NOS1AP: variants seen among roughly 807,000 people sequenced by gnomAD.
NOS1AP encodes the protein nitric oxide synthase 1 adaptor protein, also known as carboxyl-terminal PDZ ligand of neuronal nitric oxide synthase protein.
NOS1AP carries 21 observed loss-of-function variants against 56.2 expected under a neutral mutation model. The ratio of observed to expected loss-of-function variants is 0.37; its 90% CI spans 0.26 to 0.54. NOS1AP has a LOEUF of 0.54. Among genes scored for constraint, NOS1AP ranks in the 20% least tolerant of loss-of-function variants. NOS1AP has a pLI of 0.84. For synonymous variants in NOS1AP, 270 were observed against 274.6 expected, an observed-to-expected ratio of 0.98 and a Z score of 0.17; for missense variants, 522 against 657.8, an observed-to-expected ratio of 0.79 and a Z score of 2.26.
chr1:162,073,033 T>G (rs935133322), intron 1 of NOS1AP, among the ~76,000 whole-genome samples: 3 of 152,294 alleles, frequency 2.0e-5, no homozygotes, highest in Admixed American at 1.3e-4. Context: ...ATTTTCAGGG[T>G]TCTGCAGAGA....
chr1:162,294,224 G>GAAGAAAGA (rs879481382), intron 3 of NOS1AP, among the ~76,000 whole-genome samples: 22 of 149,854 alleles, frequency 1.5e-4, no homozygotes, highest in African/African-American at 5.5e-4. Context: ...AGGAAGGAAG[G>GAAGAAAGA]AAGAAAGAAA....
intron 2 of NOS1AP, among the ~76,000 whole-genome samples, chr1:162,268,120 A>G (rs1163357078): frequency 6.6e-6 from 1 of 152,054 alleles, no homozygotes; most frequent in Non-Finnish European, 1.5e-5. Flanking sequence ...TTAGCCAGGC[A>G]TGGTGGCGTG....
rs544797560 is a variant in NOS1AP, at chr1:162,115,484, G to A, written c.106-38921G>A. ...GGAGTTGTTGTAGGTTTTTGTGAGG[G>A]GATTCTTGGAAGAGGAATTGTCTAG... On this transcript the variant is annotated intron_variant, in intron 1 of 9. Transcript: ENST00000361897. Among the ~76,000 whole-genome samples, 20 of 152,096 alleles carry A rather than the reference G, an allele frequency of 1.3e-4. No homozygotes were observed. In the South Asian group the frequency reaches 3.1e-3, roughly 24 times the overall value.
At chr1:162,150,404 T>G (rs1308832025) in intron 1 of NOS1AP, among the ~76,000 whole-genome samples, 2 of 152,250 alleles carry the variant, frequency 1.3e-5, no homozygotes, top group African/African-American at 4.8e-5. Context: ...TCTTGGCTAT[T>G]GTGAATAGTG....
At chr1:162,301,568 A>G (rs1372767033) in intron 4 of NOS1AP, among the ~76,000 whole-genome samples, 6 of 152,208 alleles carry the variant, frequency 3.9e-5, no homozygotes, top group Admixed American at 1.3e-4. Context: ...TAGAGATTAG[A>G]TGGCTGCCAA....
rs1262714289 is a variant in NOS1AP, at chr1:162,109,449, G to C, written c.105+39167G>C. Among the ~76,000 whole-genome samples the C allele has an allele frequency of 2.6e-5, 4 of 152,152 alleles. No homozygotes were observed. In the South Asian group the frequency reaches 6.2e-4, roughly 24 times the overall value. ...TATTGAATTATTTACTTCTGAAATA[G>C]ATGACATTTTATTTGGGATTTGTTT... is the stretch of plus-strand genomic sequence containing the variant. On this transcript the variant is annotated intron_variant, in intron 1 of 9. Transcript: ENST00000361897.
intron 4 of NOS1AP, among the ~76,000 whole-genome samples, chr1:162,325,620 C>A (rs1020248551): frequency 1.3e-5 from 2 of 152,090 alleles, no homozygotes; most frequent in African/African-American, 4.8e-5. Flanking sequence ...TTCCCAGGAC[C>A]ATGCCTTCAC....
chr1:162,298,934 T>A (rs1225088794), intron 3 of NOS1AP, among the ~76,000 whole-genome samples: 1 of 152,228 alleles, frequency 6.6e-6, no homozygotes, highest in Admixed American at 6.5e-5. Context: ...TCATAAACAT[T>A]GCTAACTGCG....
At chr1:162,072,885 C>G (rs1558086886) in intron 1 of NOS1AP, among the ~76,000 whole-genome samples, 1 of 152,186 alleles carries the variant, frequency 6.6e-6, no homozygotes, top group Non-Finnish European at 1.5e-5. Flanking sequence ...TGGAAAAATG[C>G]AGGCTGGAAA....
At chr1:162,234,077 T>C (rs959939769) in intron 2 of NOS1AP, among the ~76,000 whole-genome samples, 10 of 152,162 alleles carry the variant, frequency 6.6e-5, no homozygotes, top group African/African-American at 2.4e-4. Flanking sequence ...CCAACATGCA[T>C]AGAGAGGACT....
At chr1:162,155,547 C>T (rs1357442840) in intron 2 of NOS1AP, among the ~76,000 whole-genome samples, 6 of 151,462 alleles carry the variant, frequency 4.0e-5, no homozygotes, top group Admixed American at 3.3e-4. Context: ...GGTTGGATGC[C>T]GTAGGCTCCG....
At chr1:162,103,144 C>T (rs1442415096) in intron 1 of NOS1AP, among the ~76,000 whole-genome samples, 2 of 152,106 alleles carry the variant, frequency 1.3e-5, no homozygotes, top group Non-Finnish European at 2.9e-5. Flanking sequence ...TCTTTGTTCT[C>T]ATTGGTTTCA....
chr1:162,287,243 C>A (rs10800405), intron 2 of NOS1AP, 101 bp from the exon 3 acceptor site: 4 of 809,048 alleles, frequency 4.9e-6, no homozygotes, highest in East Asian at 2.5e-5. Flanking sequence ...TTCCCCACAC[C>A]TGTCTGGGGA....
At chr1:162,365,306 C>T (rs1471674732) in intron 8 of NOS1AP, 98 bp from the exon 9 acceptor site, 5 of 1,591,896 alleles carry the variant, frequency 3.1e-6, no homozygotes, top group East Asian at 2.2e-5. Flanking sequence ...ATGTGGAGGG[C>T]ATCTCTGGTC....
At chr1:162,304,463 GT>G (rs1162559179) in intron 4 of NOS1AP, among the ~76,000 whole-genome samples, 3 of 151,888 alleles carry the variant, frequency 2.0e-5, no homozygotes, top group Non-Finnish European at 4.4e-5. Context: ...TTTTAAAAAA[GT>G]TTTTTTATTC....
intron 2 of NOS1AP, among the ~76,000 whole-genome samples, chr1:162,174,443 A>T (rs1228192840): frequency 2.0e-5 from 3 of 151,588 alleles, no homozygotes; most frequent in African/African-American, 7.3e-5. Flanking sequence ...TAGCATTAGG[A>T]TATATACCTA....
intron 1 of NOS1AP, among the ~76,000 whole-genome samples, chr1:162,109,898 G>A (rs76078015): frequency 1.5e-3 from 234 of 152,272 alleles, no homozygotes; most frequent in Non-Finnish European, 3.0e-3. Context: ...TCTTAATCTA[G>A]ATTATGATTC....
chr1:162,240,244 A>AGTGTATGTGTGTGT (rs1653447685), intron 2 of NOS1AP, among the ~76,000 whole-genome samples: 1 of 141,220 alleles, frequency 7.1e-6, no homozygotes, highest in African/African-American at 2.7e-5. Context: ...CTGTGTGGCC[A>AGTGTATGTGTGTGT]GTGTGTGTGT....
At chr1:162,243,911 C>T (rs1022108091) in intron 2 of NOS1AP, among the ~76,000 whole-genome samples, 4 of 152,108 alleles carry the variant, frequency 2.6e-5, no homozygotes, top group East Asian at 1.9e-4. Context: ...TAGGATTCAG[C>T]GTTGGTATTG....
Sources: gnomAD v4.1 joint callset for allele counts (sites outside exome capture counted in the v4.1 genomes callset) on GRCh38, gnomAD v4.1.1 for gene constraint, MANE v1.5 for transcripts, NCBI Gene and HGNC (gene_info 2026-07-23, HGNC 2026-07-21) for gene names.